The following DGKI variants were observed in gnomAD, a reference collection of about 807,000 sequenced individuals.
DGKI encodes the protein diacylglycerol kinase iota.
DGKI carries 55 observed loss-of-function variants against 147.5 expected under a neutral mutation model. The ratio of observed to expected loss-of-function variants is 0.37; its 90% CI spans 0.30 to 0.47. The LOEUF (loss-of-function observed/expected upper bound fraction) is 0.47, where lower values mean the gene tolerates loss of function less well. DGKI is among the 20% of genes least tolerant of loss of function. DGKI has a pLI of 1.00. For missense variants in DGKI, 1,007 were observed against 1,323.8 expected, an observed-to-expected ratio of 0.76 and a Z score of 3.71; for synonymous variants, 469 against 477.1, an observed-to-expected ratio of 0.98 and a Z score of 0.22.
chr7:137,846,755 G>A lies in DGKI; in HGVS notation c.108C>T (p.Pro36=), dbSNP rs1214398453. Residue 36 remains proline, a synonymous_variant, in exon 1 of 33, where the codon CCC becomes CCT. Transcript: ENST00000614521. The surrounding 1 kb of genome is among the most constrained non-coding windows in gnomAD (Gnocchi z 4.0). The part of the protein sequence containing the change: ...AAAAAASPPG[P]CSGAACAPSA... ...AGGGAGCGCAGGCGGCGCCGCTGCAGGGGCCGGGCGGGCTGGCGGCGGCGG... is the reference window on the plus strand; with the variant it reads ...AGGGAGCGCAGGCGGCGCCGCTGCAAGGGCCGGGCGGGCTGGCGGCGGCGG... The A allele has an allele frequency of 2.0e-6, 2 of 1,022,324 alleles. No individual in the cohort carries two copies. Among genetic ancestry groups the A allele is most frequent in the Non-Finnish European group, 2.3e-6 (2 of 856,174 alleles). 63.3% of individuals were successfully genotyped at this position (1,022,324 alleles called of 1,614,324 possible).
chr7:137,822,677 G>T lies in DGKI; in HGVS notation c.401+23785C>A, dbSNP rs905140974. Reference sequence around the variant, plus strand: ...CCTCCAATGTAAAGAGAAGCTATCAGCATGAAGAGAAGAAAATTTTTGAAG... The same window carrying T: ...CCTCCAATGTAAAGAGAAGCTATCATCATGAAGAGAAGAAAATTTTTGAAG... On this transcript the variant is annotated intron_variant, in intron 1 of 32. Coordinates refer to ENST00000614521, the MANE Select transcript of DGKI (RefSeq NM_001321708.2). Among the ~76,000 whole-genome samples the T allele has an allele frequency of 2.6e-5, 4 of 151,926 alleles. No homozygotes were observed. In the South Asian group the frequency reaches 8.3e-4, roughly 32 times the overall value.
At chr7:137,729,721 A>C (rs188902535) in intron 1 of DGKI, among the ~76,000 whole-genome samples, 2 of 152,010 alleles carry the variant, frequency 1.3e-5, no homozygotes, top group East Asian at 1.9e-4. Flanking sequence ...AAAACAATGG[A>C]TATGTTTCAG....
intron 1 of DGKI, among the ~76,000 whole-genome samples, chr7:137,815,907 T>C (rs1797723903): frequency 6.6e-6 from 1 of 152,200 alleles, no homozygotes. Flanking sequence ...GGCCCTTATA[T>C]ATTTGTGATG....
chr7:137,825,699 C>T (rs777036028), intron 1 of DGKI, among the ~76,000 whole-genome samples: 1 of 151,676 alleles, frequency 6.6e-6, no homozygotes, highest in Non-Finnish European at 1.5e-5. Flanking sequence ...CACACACATA[C>T]ACATACACTC....
At chr7:137,842,640 A>G (rs1406818229) in intron 1 of DGKI, among the ~76,000 whole-genome samples, 1 of 152,084 alleles carries the variant, frequency 6.6e-6, no homozygotes, top group Non-Finnish European at 1.5e-5. Context: ...CGCCTACACA[A>G]CCCTGTGTAA....
At chr7:137,828,277 T>C (rs1328327752) in intron 1 of DGKI, among the ~76,000 whole-genome samples, 20 of 152,242 alleles carry the variant, frequency 1.3e-4, no homozygotes, top group Admixed American at 1.3e-3. Context: ...ATTATTCAAT[T>C]TTGGATTCTT....
At chr7:137,559,259 G>A (rs1348922200) in intron 19 of DGKI, among the ~76,000 whole-genome samples, 1 of 150,816 alleles carries the variant, frequency 6.6e-6, no homozygotes, top group Non-Finnish European at 1.5e-5. Flanking sequence ...TTTTAGTAGA[G>A]ACGGGGTTTC....
chr7:137,704,673 A>G (rs897291293), intron 1 of DGKI, among the ~76,000 whole-genome samples: 5 of 152,340 alleles, frequency 3.3e-5, no homozygotes, highest in African/African-American at 1.2e-4. Flanking sequence ...AACAGGCTCA[A>G]TAAACTCTAA....
chr7:137,643,718 G>GC (rs1821732062), intron 6 of DGKI, among the ~76,000 whole-genome samples: 1 of 152,216 alleles, frequency 6.6e-6, no homozygotes, highest in Admixed American at 6.5e-5. Context: ...GGTGGAGGAA[G>GC]CCCAGTTCTT....
At chr7:137,592,133 G>T (rs1209318161) in intron 12 of DGKI, among the ~76,000 whole-genome samples, 1 of 152,132 alleles carries the variant, frequency 6.6e-6, no homozygotes, top group South Asian at 2.1e-4. Flanking sequence ...ACAGTAATCC[G>T]GAACCCGTTT....
At chr7:137,779,816 G>C (rs1796465615) in intron 1 of DGKI, among the ~76,000 whole-genome samples, 2 of 151,978 alleles carry the variant, frequency 1.3e-5, no homozygotes, top group South Asian at 4.2e-4. Flanking sequence ...AGCAACATGG[G>C]GTACATTATA....
intron 12 of DGKI, among the ~76,000 whole-genome samples, chr7:137,595,564 A>G (rs73453598): frequency 0.048 from 7,355 of 152,090 alleles, 424 homozygotes; most frequent in African/African-American, 0.13. Flanking sequence ...ATAATTATAC[A>G]TTTCACAAGT....
intron 11 of DGKI, 28 bp downstream of exon 11, chr7:137,599,795 G>T: frequency 6.2e-7 from 1 of 1,603,650 alleles, no homozygotes. Flanking sequence ...AAATACATAT[G>T]GACCATGGAG....
At chr7:137,742,186 C>A (rs1795191474) in intron 1 of DGKI, among the ~76,000 whole-genome samples, 1 of 152,190 alleles carries the variant, frequency 6.6e-6, no homozygotes, top group African/African-American at 2.4e-5. Flanking sequence ...AAAGGCATTT[C>A]TTTGGCTCAG....
chr7:137,810,004 G>T (rs1361382171), intron 1 of DGKI, among the ~76,000 whole-genome samples: 1 of 152,218 alleles, frequency 6.6e-6, no homozygotes, highest in African/African-American at 2.4e-5. Context: ...GGAGTAAGAG[G>T]TTCTTCTGCT....
rs60719355 is a variant in DGKI at position 137,569,728 on chromosome 7, C to CAAAAAAAAAAAAAAAAAAAAA, written c.1947+1426_1947+1446dup. ...TGGGCAACAGAGTGAGACTCTGTCTCAAAAAAAAAAAAAAAAAAAAAAAAA... is the reference window on the plus strand; with the variant it reads ...TGGGCAACAGAGTGAGACTCTGTCTCAAAAAAAAAAAAAAAAAAAAAAAAAAAAAAAAAAAAAAAAAAAAAA... On this transcript the variant is annotated intron_variant, in intron 19 of 32. Coordinates refer to ENST00000614521, the MANE Select transcript of DGKI (RefSeq NM_001321708.2). Among the ~76,000 whole-genome samples the CAAAAAAAAAAAAAAAAAAAAA allele has an allele frequency of 7.7e-5, 5 of 64,612 alleles. 2 individuals are homozygous for CAAAAAAAAAAAAAAAAAAAAA. The highest frequency in any genetic ancestry group is 1.4e-4 in the Non-Finnish European group (5 of 34,852). The allele number at this position is 64,612 out of a possible 152,430, so 42.4% of individuals were successfully genotyped here.
chr7:137,395,419 C>T (rs975681399), intron 32 of DGKI, among the ~76,000 whole-genome samples, 179 bp downstream of exon 32: 1 of 152,244 alleles, frequency 6.6e-6, no homozygotes, highest in African/African-American at 2.4e-5. Context: ...TCCCTTTGTG[C>T]TTATACATTT....
chr7:137,518,625 T>C (rs1816860162), intron 21 of DGKI, among the ~76,000 whole-genome samples: 1 of 152,102 alleles, frequency 6.6e-6, no homozygotes, highest in South Asian at 2.1e-4. Context: ...CTACTGCTTG[T>C]GTTTTAAACC....
intron 8 of DGKI, among the ~76,000 whole-genome samples, chr7:137,618,151 A>ATATATATATATATATTTTTTTTT: frequency 2.9e-4 from 3 of 10,458 alleles, no homozygotes; most frequent in African/African-American, 3.7e-4. Flanking sequence ...ATATATATAT[A>ATATATATATATATATTTTTTTTT]TTTTTTTTTT....
Sources: allele counts gnomAD v4.1 joint callset (sites outside exome capture counted in the v4.1 genomes callset), GRCh38; gene constraint gnomAD v4.1.1; non-coding constraint Gnocchi (gnomAD v3.1); transcripts MANE v1.5; gene names NCBI Gene and HGNC (gene_info 2026-07-23, HGNC 2026-07-21).